The following ADAMTS2 variants were observed in gnomAD, a reference collection of about 807,000 sequenced individuals.
ADAMTS2 encodes ADAM metallopeptidase with thrombospondin type 1 motif 2.
A neutral mutation model predicts 123.0 loss-of-function variants in ADAMTS2; 50 were observed. The ratio of observed to expected loss-of-function variants is 0.41; its 90% CI spans 0.32 to 0.51. The LOEUF (loss-of-function observed/expected upper bound fraction) is 0.51. Among genes scored for constraint, ADAMTS2 ranks in the 20% least tolerant of loss-of-function variants. The probability of loss-of-function intolerance (pLI) is 0.35; values close to 1 mark genes in which losing one functional copy is unlikely to be tolerated. For synonymous variants in ADAMTS2, 678 were observed against 695.4 expected, an observed-to-expected ratio of 0.98 and a Z score of 0.39; for missense variants, 1,494 against 1,705.2, an observed-to-expected ratio of 0.88 and a Z score of 2.18.
intron 3 of ADAMTS2, among the ~76,000 whole-genome samples, chr5:179,268,057 A>G (rs983863143): frequency 1.8e-4 from 28 of 152,268 alleles, no homozygotes; most frequent in African/African-American, 6.7e-4. Context: ...CATTCCAGAA[A>G]TTTTAAGCCA....
At chr5:179,313,152 G>A (rs1421000110) in intron 2 of ADAMTS2, among the ~76,000 whole-genome samples, 3 of 152,228 alleles carry the variant, frequency 2.0e-5, no homozygotes, top group Admixed American at 6.5e-5. Context: ...AAGCCTTACC[G>A]GGGCTCCCTC....
intron 2 of ADAMTS2, among the ~76,000 whole-genome samples, chr5:179,280,137 C>T (rs1418279725): frequency 6.6e-6 from 1 of 152,234 alleles, no homozygotes; most frequent in Non-Finnish European, 1.5e-5. Flanking sequence ...CCACTCTAAC[C>T]TTCCCTGGAC....
intron 2 of ADAMTS2, among the ~76,000 whole-genome samples, chr5:179,306,551 C>T (rs1007794442): frequency 1.6e-4 from 24 of 152,152 alleles, no homozygotes; most frequent in South Asian, 2.1e-4. Context: ...AGCATTTTCA[C>T]GACTCCTACT....
chr5:179,327,736 C>A (rs963559521), intron 2 of ADAMTS2, among the ~76,000 whole-genome samples: 3 of 152,202 alleles, frequency 2.0e-5, no homozygotes, highest in African/African-American at 7.2e-5. Context: ...AGAAGCAGCA[C>A]CTGGTTCTCA....
intron 3 of ADAMTS2, among the ~76,000 whole-genome samples, chr5:179,211,727 C>T (rs1764853933): frequency 6.6e-6 from 1 of 152,202 alleles, no homozygotes; most frequent in Non-Finnish European, 1.5e-5. Context: ...GTCACAGTAG[C>T]CACGGGCTCA....
intron 3 of ADAMTS2, among the ~76,000 whole-genome samples, chr5:179,240,783 G>A (rs961994976): frequency 6.6e-6 from 1 of 152,154 alleles, no homozygotes; most frequent in African/African-American, 2.4e-5. Flanking sequence ...TGCCACCCTC[G>A]ACCCTGATAC....
chr5:179,124,743 G>A (rs894686933), intron 19 of ADAMTS2, among the ~76,000 whole-genome samples: 1 of 152,240 alleles, frequency 6.6e-6, no homozygotes, highest in Non-Finnish European at 1.5e-5. Flanking sequence ...CTGAGGACAC[G>A]GGATCAGGGG....
chr5:179,207,744 G>T, intron 3 of ADAMTS2, 29 bp from the exon 4 acceptor site: 1 of 1,603,318 alleles, frequency 6.2e-7, no homozygotes. Flanking sequence ...GTCTTCAGCG[G>T]CAGGGCAAAC....
chr5:179,147,020 T>A (rs373484159), intron 10 of ADAMTS2, among the ~76,000 whole-genome samples: 1 of 152,188 alleles, frequency 6.6e-6, no homozygotes, highest in Non-Finnish European at 1.5e-5. Context: ...TCTTTGAAAT[T>A]TTTTAGAGCC....
chr5:179,124,393 CGCCCTGCTCTTCT>C (rs1163731751), intron 19 of ADAMTS2, among the ~76,000 whole-genome samples: 1 of 152,140 alleles, frequency 6.6e-6, no homozygotes, highest in Non-Finnish European at 1.5e-5. Context: ...AGCCTAAGCA[CGCCCTGCTCTTCT>C]CCCCTCCTGC....
At chr5:179,161,357 T>G (rs547376648) in intron 5 of ADAMTS2, among the ~76,000 whole-genome samples, 1 of 152,220 alleles carries the variant, frequency 6.6e-6, no homozygotes, top group South Asian at 2.1e-4. Context: ...GTGGGCCTTG[T>G]GGTTGGTTGT....
chr5:179,328,273 C>T (rs1757366675), intron 2 of ADAMTS2, among the ~76,000 whole-genome samples: 1 of 152,254 alleles, frequency 6.6e-6, no homozygotes, highest in Non-Finnish European at 1.5e-5. Context: ...ACCTCGTGAT[C>T]CACCCGCCTC....
At position 179,137,787 on chromosome 5, in the gene ADAMTS2, G is replaced by T; in HGVS notation, c.1933C>A (p.Pro645Thr). Reference sequence around the variant, plus strand: ...GGCTCACCATCCCGGTGCTCGTGGGGCAGCCAGTGGTGCTGGGCGTCGCCG... The same window carrying T: ...GGCTCACCATCCCGGTGCTCGTGGGTCAGCCAGTGGTGCTGGGCGTCGCCG... ...EHGDAQHHWL[P>T]HEHRDAKERC... Residue 645 changes from proline to threonine, a missense_variant, in exon 12 of 22, where the codon CCC becomes ACC. By Grantham distance (38) the Pro-to-Thr change is conservative (BLOSUM62 -1). This residue lies in a region of ADAMTS2 where 953 missense variants were observed against 1,124.7 expected (regional missense o/e 0.85). Transcript: ENST00000251582. The T allele has an allele frequency of 6.3e-7, 1 of 1,575,880 alleles. No individual in the cohort carries two copies. Among genetic ancestry groups the T allele is most frequent in the Non-Finnish European group, 8.6e-7 (1 of 1,163,614 alleles).
chr5:179,241,184 G>A (rs947030585), intron 3 of ADAMTS2, among the ~76,000 whole-genome samples: 5 of 152,216 alleles, frequency 3.3e-5, no homozygotes, highest in South Asian at 2.1e-4. Context: ...TTCGAGAACC[G>A]GAGGCCATGC....
At chr5:179,206,969 C>A (rs1343717112) in intron 4 of ADAMTS2, among the ~76,000 whole-genome samples, 1 of 152,132 alleles carries the variant, frequency 6.6e-6, no homozygotes, top group Non-Finnish European at 1.5e-5. Context: ...CCACTGCGAG[C>A]TTTAAGGAGG....
Position 179,329,014 on chromosome 5 carries a change from C to T in ADAMTS2, c.534+14753G>A, listed in dbSNP as rs143436414. ...ATTGTCAACCAACAGCAATTAAAGACCCCTGGACTGGTGCAAAAGAAAAAC... is the reference window on the plus strand; with the variant it reads ...ATTGTCAACCAACAGCAATTAAAGATCCCTGGACTGGTGCAAAAGAAAAAC... On this transcript the variant is annotated intron_variant, in intron 2 of 21. Coordinates refer to ENST00000251582, the MANE Select transcript of ADAMTS2 (RefSeq NM_014244.5). Among the ~76,000 whole-genome samples, 5 of 152,158 alleles carry T rather than the reference C, an allele frequency of 3.3e-5. No individual in the cohort carries two copies. The East Asian group carries it at 7.7e-4, about 24-fold the overall frequency.
At chr5:179,333,643 T>C (rs1223936265) in intron 2 of ADAMTS2, among the ~76,000 whole-genome samples, 2 of 149,200 alleles carry the variant, frequency 1.3e-5, no homozygotes, top group African/African-American at 4.9e-5. Context: ...CTCTGCTGCT[T>C]GGCTGGAGTG....
At chr5:179,244,078 A>C (rs192901660) in intron 3 of ADAMTS2, among the ~76,000 whole-genome samples, 133 of 152,344 alleles carry the variant, frequency 8.7e-4, no homozygotes, top group African/African-American at 3.0e-3. Flanking sequence ...AGAAAGAGGC[A>C]AGTGAGTATA....
rs529390513 is a variant in ADAMTS2 at position 179,316,265 on chromosome 5, G to A, written c.534+27502C>T. ...TGGAGGGAAGAGGCTGCCCCATTCC[G>A]AGGCCAGAGCCACCGCAGCAGAGGA... On this transcript the variant is annotated intron_variant, in intron 2 of 21. Coordinates refer to ENST00000251582, the MANE Select transcript of ADAMTS2 (RefSeq NM_014244.5). Among the ~76,000 whole-genome samples, 3 of 152,294 alleles carry A rather than the reference G, an allele frequency of 2.0e-5. No individual in the cohort carries two copies. The South Asian group carries it at 6.2e-4, about 32-fold the overall frequency.
Sources: gnomAD v4.1 joint callset for allele counts (sites outside exome capture counted in the v4.1 genomes callset) on GRCh38, gnomAD v4.1.1 for gene constraint, gnomAD v4.1.1 regional missense constraint, MANE v1.5 for transcripts, NCBI Gene and HGNC (gene_info 2026-07-23, HGNC 2026-07-21) for gene names.